NPC1: variants seen among roughly 807,000 people sequenced by gnomAD.
NPC1 encodes Niemann-Pick C1 protein.
In NPC1, 85 loss-of-function variants were observed where a neutral mutation model predicts 140.4. The observed-to-expected ratio is 0.61, with a 90% CI of 0.51 to 0.72. The LOEUF (loss-of-function observed/expected upper bound fraction) is 0.72, where lower values mean the gene tolerates loss of function less well. NPC1 is among the 30% of genes least tolerant of loss of function. The pLI is 0.00. For missense variants in NPC1, 1,504 were observed against 1,623.8 expected (o/e 0.93, Z 1.27); for synonymous variants, 656 against 624.8 (o/e 1.05, Z -0.74).
At chr18:23,510,495 A>G (rs1363690079) in intron 3 of NPC1, among the ~76,000 whole-genome samples, 1 of 152,120 alleles carries the variant, frequency 6.6e-6, no homozygotes, top group Non-Finnish European at 1.5e-5. Context: ...TAAAAATACA[A>G]AAATTAGCCA....
At position 23,514,055 on chromosome 18, in the gene NPC1, T is replaced by C. The variant is rs914224037; in HGVS notation, c.432-7413A>G. 9.2e-5 allele frequency among the ~76,000 whole-genome samples: 14 copies of C among 152,222 alleles called. No individual in the cohort carries two copies. In the East Asian group the frequency reaches 2.7e-3, roughly 29 times the overall value. ...TTCCAGCTTCCTGACCTATTAAGCA[T>C]GCTTCTGAGATCTCTAAGGGGAACT... On this transcript the variant is annotated intron_variant, in intron 3 of 3. Coordinates refer to the NPC1 transcript ENST00000591107.
intron 1 of NPC1, 91 bp downstream of exon 1, chr18:23,586,196 G>T: frequency 7.2e-7 from 1 of 1,396,216 alleles, no homozygotes; most frequent in Non-Finnish European, 9.6e-7. Flanking sequence ...CCCAGGACCC[G>T]GGCCTGAGCC....
At position 23,536,796 on chromosome 18, in the gene NPC1, T is replaced by C; in HGVS notation, c.3122A>G (p.Tyr1041Cys). ...AGCAGAGGTCTGCAGCACGGTGTGG[T>C]AGGTCATGAAGTACGTGGCTCCGAC... is the stretch of plus-strand genomic sequence containing the variant. Reference protein sequence around the residue: ...TRVGATYFMTYHTVLQTSADF... With the variant: ...TRVGATYFMTCHTVLQTSADF... Residue 1041 changes from tyrosine (Y) to cysteine (C), a missense_variant, in exon 21 of 25, where the codon TAC becomes TGC. Coordinates refer to ENST00000269228, the MANE Select transcript of NPC1 (RefSeq NM_000271.5). The C allele has an allele frequency of 6.2e-7, 1 of 1,614,068 alleles. No homozygotes were observed. The highest frequency in any genetic ancestry group is 8.5e-7 in the Non-Finnish European group (1 of 1,180,004).
In NPC1 at chr18:23,568,818, C is replaced by T. The variant is rs1404764583; in HGVS notation, c.463+5G>A. Reference sequence around the variant, plus strand: ...TAAAAGAGGAATAATTAAAAGTTTACTTACCATTGGCAAAACTCTGTCCGA... The same window carrying T: ...TAAAAGAGGAATAATTAAAAGTTTATTTACCATTGGCAAAACTCTGTCCGA... On this transcript the variant is annotated splice_donor_5th_base_variant and intron_variant, in intron 4 of 24. Coordinates refer to ENST00000269228, the MANE Select transcript of NPC1 (RefSeq NM_000271.5). The T allele has an allele frequency of 2.5e-6, 4 of 1,612,598 alleles. No homozygotes were observed. Among genetic ancestry groups the T allele is most frequent in the Non-Finnish European group, 3.4e-6 (4 of 1,178,626 alleles).
At chr18:23,511,166 G>A (rs1432844267) in intron 3 of NPC1, among the ~76,000 whole-genome samples, 3 of 152,228 alleles carry the variant, frequency 2.0e-5, no homozygotes, top group Admixed American at 1.3e-4. Flanking sequence ...ACAAGATCAT[G>A]TCTTTTGTGG....
intron 22 of NPC1, 70 bp from the exon 23 acceptor site, chr18:23,534,629 A>G (rs2058598687): frequency 1.6e-6 from 2 of 1,257,524 alleles, no homozygotes; most frequent in Admixed American, 1.9e-5. Context: ...CCCCGTTCTG[A>G]GGATGGGTGC....
intron 6 of NPC1, 146 bp from the exon 7 acceptor site, chr18:23,557,336 C>T (rs1158331882): frequency 1.6e-5 from 11 of 703,330 alleles, no homozygotes; most frequent in South Asian, 1.1e-4. Context: ...CCTAAGTCCC[C>T]TTGCTCTGGG....
intron 16 of NPC1, 80 bp from the exon 17 acceptor site, chr18:23,540,617 C>A: frequency 9.4e-7 from 1 of 1,058,842 alleles, no homozygotes; most frequent in Non-Finnish European, 1.4e-6. Context: ...TAAGCACACA[C>A]AAAAAGCAGG....
At chr18:23,510,777 ACTAT>A (rs1381194803) in intron 3 of NPC1, among the ~76,000 whole-genome samples, 2 of 152,256 alleles carry the variant, frequency 1.3e-5, no homozygotes, top group East Asian at 3.8e-4. Flanking sequence ...ACAATGAGAA[ACTAT>A]CTCACACTAG....
chr18:23,543,332 G>GAGAAAAAAAAAAAAAGAAAAAAAAAAAAA (rs2058737248), intron 14 of NPC1, 123 bp downstream of exon 14: 1 of 395,870 alleles, frequency 2.5e-6, no homozygotes, highest in African/African-American at 3.1e-5. Context: ...CCGTCTCAGA[G>GAGAAAAAAAAAAAAAGAAAAAAAAAAAAA]AAAAAAAAAA....
At chr18:23,578,148 G>A (rs1017588147) in intron 1 of NPC1, among the ~76,000 whole-genome samples, 11 of 152,384 alleles carry the variant, frequency 7.2e-5, no homozygotes, top group East Asian at 1.9e-4. Context: ...GGGAGGTGCC[G>A]AGAGCAAGCA....
chr18:23,569,887 T>C (rs939945124), intron 3 of NPC1, among the ~76,000 whole-genome samples: 1 of 152,240 alleles, frequency 6.6e-6, no homozygotes, highest in South Asian at 2.1e-4. Flanking sequence ...ACTTGTTACA[T>C]GATAAAAGAG....
At chr18:23,510,939 C>G (rs1171351813) in intron 3 of NPC1, among the ~76,000 whole-genome samples, 7 of 152,146 alleles carry the variant, frequency 4.6e-5, no homozygotes, top group Non-Finnish European at 1.0e-4. Flanking sequence ...GAGCTAAAAG[C>G]AGAACTACTG....
At chr18:23,548,790 G>A (rs2058826260) in intron 10 of NPC1, among the ~76,000 whole-genome samples, 1 of 150,956 alleles carries the variant, frequency 6.6e-6, no homozygotes. Flanking sequence ...TTCTTTTTTT[G>A]GGGTGGGGGC....
downstream of NPC1, among the ~76,000 whole-genome samples, chr18:23,520,642 A>T (rs1239206141): frequency 6.6e-6 from 1 of 151,456 alleles, no homozygotes; most frequent in Non-Finnish European, 1.5e-5. Context: ...ATATTTTTTT[A>T]AATTTATTTT....
downstream of NPC1, among the ~76,000 whole-genome samples, chr18:23,525,169 C>T (rs1362747205): frequency 2.6e-5 from 4 of 151,750 alleles, no homozygotes; most frequent in East Asian, 2.0e-4. Context: ...TGGTCTCAAA[C>T]TCCCAACCTC....
downstream of NPC1, chr18:23,529,367 A>G (rs1396115403): frequency 1.3e-6 from 2 of 1,549,026 alleles, no homozygotes; most frequent in South Asian, 1.2e-5. Context: ...GAAAACGAGG[A>G]GACTTCATGT....
intron 10 of NPC1, among the ~76,000 whole-genome samples, chr18:23,548,981 A>G (rs1239467868): frequency 1.3e-5 from 2 of 151,880 alleles, no homozygotes; most frequent in South Asian, 4.1e-4. Context: ...TAGAGATGGG[A>G]TTTTGTCATG....
intron 12 of NPC1, 125 bp downstream of exon 12, chr18:23,544,835 T>G: frequency 1.3e-6 from 1 of 784,836 alleles, no homozygotes; most frequent in Non-Finnish European, 2.1e-6. Context: ...TACATACAAT[T>G]AAAACATGGG....
Sources: gnomAD v4.1 joint callset for allele counts (sites outside exome capture counted in the v4.1 genomes callset) on GRCh38, gnomAD v4.1.1 for gene constraint, MANE v1.5 for transcripts, NCBI Gene and HGNC (gene_info 2026-07-23, HGNC 2026-07-21) for gene names.